The following LAMTOR3 variants were observed in gnomAD, a reference collection of about 807,000 sequenced individuals.
The protein encoded by LAMTOR3 is ragulator complex protein LAMTOR3.
A neutral mutation model predicts 20.3 loss-of-function variants in LAMTOR3; 14 were observed. The ratio of observed to expected loss-of-function variants is 0.69; its 90% CI spans 0.46 to 1.08. The LOEUF is 1.08. Among genes scored for constraint, LAMTOR3 ranks in the 50% least tolerant of loss-of-function variants. LAMTOR3 has a pLI of 0.00. For missense variants in LAMTOR3, 125 were observed against 143.7 expected, an observed-to-expected ratio of 0.87 and a Z score of 0.67; for synonymous variants, 40 against 49.4, an observed-to-expected ratio of 0.81 and a Z score of 0.80.
In LAMTOR3 at chr4:99,879,271, A is replaced by T. The variant is rs987763849; in HGVS notation, c.*2723T>A. Reference sequence around the variant, plus strand: ...TCTGTACTACCTTTCAAAAACAGTTAATCTAGGTTTACATTACCCTTTCAA... The same window carrying T: ...TCTGTACTACCTTTCAAAAACAGTTTATCTAGGTTTACATTACCCTTTCAA... On this transcript the variant is annotated 3_prime_UTR_variant, in exon 7 of 7. Transcript: ENST00000499666. The T allele has an allele frequency of 2.0e-5, 3 of 152,246 alleles. No homozygotes were observed. Among genetic ancestry groups the T allele is most frequent in the Non-Finnish European group, 4.4e-5 (3 of 68,022 alleles). 9.4% of individuals were successfully genotyped at this position (152,246 alleles called of 1,614,324 possible).
In LAMTOR3 at chr4:99,881,881, A is replaced by C. The variant is rs1724833562; in HGVS notation, c.*113T>G. On this transcript the variant is annotated 3_prime_UTR_variant, in exon 7 of 7. Transcript: ENST00000499666. ...CTAGCTCTTTAGTATAAGTTGGAAA[A>C]AGGGGCCCTTTCTTGAGCACATGGA... 1 of 722,264 alleles carries C rather than the reference A, an allele frequency of 1.4e-6. No homozygotes were observed. The highest frequency in any genetic ancestry group is 1.8e-5 in the African/African-American group (1 of 54,668). 44.7% of individuals were successfully genotyped at this position (722,264 alleles called of 1,614,324 possible).
upstream of LAMTOR3, chr4:99,894,528 G>C (rs1036669898): frequency 6.6e-6 from 1 of 151,242 alleles, no homozygotes; most frequent in Admixed American, 6.6e-5. Context: ...CGCGTCCGGC[G>C]GCCGCGCCCC....
intron 6 of LAMTOR3, among the ~76,000 whole-genome samples, chr4:99,883,059 T>C (rs1048527687): frequency 2.6e-5 from 4 of 152,056 alleles, no homozygotes; most frequent in Non-Finnish European, 5.9e-5. Flanking sequence ...ATATAACAAC[T>C]GGTGACTTAG....
intron 6 of LAMTOR3, among the ~76,000 whole-genome samples, chr4:99,883,778 C>CAAA (rs368560480): frequency 3.9e-5 from 4 of 101,540 alleles, no homozygotes; most frequent in African/African-American, 7.2e-5. Context: ...TTCCTGTCTC[C>CAAA]AAAAAAAAAA....
intron 2 of LAMTOR3, 142 bp from the exon 3 acceptor site, chr4:99,892,176 G>T: frequency 7.3e-7 from 1 of 1,371,154 alleles, no homozygotes. Flanking sequence ...GTCTGATTTG[G>T]ATGTTTACTA....
intron 4 of LAMTOR3, 28 bp from the exon 5 acceptor site, chr4:99,885,703 A>C (rs1724910860): frequency 6.3e-7 from 1 of 1,598,370 alleles, no homozygotes; most frequent in African/African-American, 1.4e-5. Flanking sequence ...TTAAATAAAA[A>C]TTATGCAGAG....
chr4:99,885,746 T>C (rs1048771836), intron 4 of LAMTOR3, 71 bp from the exon 5 acceptor site: 29 of 1,276,688 alleles, frequency 2.3e-5, no homozygotes, highest in South Asian at 5.5e-5. Context: ...CCCTTTTTTT[T>C]CATAAACCTC....
intron 3 of LAMTOR3, among the ~76,000 whole-genome samples, chr4:99,889,619 A>T (rs1724988107): frequency 6.6e-6 from 1 of 152,222 alleles, no homozygotes. Context: ...AGGTACATAA[A>T]ATATCTCTGT....
rs1724875921 is a variant in LAMTOR3 at position 99,884,085 on chromosome 4, A to G, written c.278T>C (p.Ile93Thr). 1 of 1,612,008 alleles carries G rather than the reference A, an allele frequency of 6.2e-7. No homozygotes were observed. The highest frequency in any genetic ancestry group is 1.1e-5 in the South Asian group (1 of 91,042). ...FNRLPLVVSF[I>T]ASSSANTGLI... Reference sequence around the variant, plus strand: ...ACCTGTATTGGCACTGCTGCTGGCTATGAAACTCACCACCAAAGGTAAACG... The same window carrying G: ...ACCTGTATTGGCACTGCTGCTGGCTGTGAAACTCACCACCAAAGGTAAACG... Residue 93 changes from isoleucine (I) to threonine (T), a missense_variant, in exon 6 of 7, where the codon ATA becomes ACA. This residue lies in a region of LAMTOR3 where 4 missense variants were observed against 16.4 expected (regional missense o/e 0.24). Transcript: ENST00000499666.
chr4:99,891,760 G>C (rs1003726308), intron 3 of LAMTOR3, among the ~76,000 whole-genome samples: 11 of 152,148 alleles, frequency 7.2e-5, no homozygotes, highest in Non-Finnish European at 1.3e-4. Flanking sequence ...AGATGACCAA[G>C]GGAATGCTGA....
intron 3 of LAMTOR3, among the ~76,000 whole-genome samples, chr4:99,891,387 T>A (rs996573384): frequency 6.6e-6 from 1 of 152,200 alleles, no homozygotes; most frequent in Non-Finnish European, 1.5e-5. Context: ...GCATAATACC[T>A]CAATAACTAC....
Position 99,879,670 on chromosome 4 carries a change from G to C in LAMTOR3, c.*2324C>G, listed in dbSNP as rs1446414016. The C allele has an allele frequency of 6.6e-6, 1 of 152,062 alleles. No homozygotes were observed. The highest frequency in any genetic ancestry group is 1.5e-5 in the Non-Finnish European group (1 of 68,014). 9.4% of individuals were successfully genotyped at this position (152,062 alleles called of 1,614,324 possible). On this transcript the variant is annotated 3_prime_UTR_variant, in exon 7 of 7. Coordinates refer to ENST00000499666, the MANE Select transcript of LAMTOR3 (RefSeq NM_021970.4). ...GTGGATACATTTCGAGACATGCTTT[G>C]TTAGGTGATTTCATCATTATGTGAA...
intron 4 of LAMTOR3, among the ~76,000 whole-genome samples, chr4:99,886,833 C>G (rs187741821): frequency 3.3e-5 from 5 of 152,220 alleles, no homozygotes; most frequent in East Asian, 1.9e-4. Flanking sequence ...CATACTGACT[C>G]TCTGTGACAT....
At chr4:99,884,973 A>G (rs893723646) in intron 5 of LAMTOR3, among the ~76,000 whole-genome samples, 22 of 151,942 alleles carry the variant, frequency 1.4e-4, no homozygotes, top group Admixed American at 6.6e-5. Flanking sequence ...CTTGGAAGAA[A>G]AAAAAAAAAA....
intron 6 of LAMTOR3, 29 bp downstream of exon 6, chr4:99,884,033 A>C (rs758971319): frequency 3.5e-6 from 5 of 1,448,666 alleles, no homozygotes; most frequent in Non-Finnish European, 3.9e-6. Flanking sequence ...ATTAAGGATT[A>C]AAGTGATATT....
rs745716265 is a variant in LAMTOR3 at position 99,892,041 on chromosome 4, G to A, written c.10-7C>T. The A allele has an allele frequency of 4.5e-6, 7 of 1,565,388 alleles. No homozygotes were observed. In the African/African-American group the frequency reaches 8.4e-5, roughly 19 times the overall value. On this transcript the variant is annotated splice_region_variant and splice_polypyrimidine_tract_variant and intron_variant, in intron 2 of 6. Coordinates refer to ENST00000499666, the MANE Select transcript of LAMTOR3 (RefSeq NM_021970.4). The stretch of plus-strand genomic sequence containing the variant: ...ACAAGAATCGCTTTAGGTCCTGAAA[G>A]AGAGCATTAAAAAATAATGTTGTAA...
chr4:99,894,378 G>A lies in LAMTOR3; in HGVS notation c.-81C>T, dbSNP rs972063231. 2 of 174,818 alleles carry A rather than the reference G, an allele frequency of 1.1e-5. No homozygotes were observed. Among genetic ancestry groups the A allele is most frequent in the African/African-American group, 4.7e-5 (2 of 42,446 alleles). The allele number at this position is 174,818 out of a possible 1,614,324, so 10.8% of individuals were successfully genotyped here. On this transcript the variant is annotated 5_prime_UTR_variant, in exon 1 of 7. Transcript: ENST00000499666. ...CTGGTTCTCTCCGCTGTCACTTCAGGGACAGCTTTAAAGACAGGTTCCTCC... is the reference window on the plus strand; with the variant it reads ...CTGGTTCTCTCCGCTGTCACTTCAGAGACAGCTTTAAAGACAGGTTCCTCC...
upstream of LAMTOR3, chr4:99,894,508 G>C (rs1725092417): frequency 6.6e-6 from 1 of 151,758 alleles, no homozygotes; most frequent in Admixed American, 6.6e-5. Flanking sequence ...CCCGGCGGAA[G>C]CTGCGAGGGC....
rs113542593 is a variant in LAMTOR3, at chr4:99,885,520, C to A, written c.237+22G>T. The A allele has an allele frequency of 2.0e-3, 3,049 of 1,563,054 alleles. 52 individuals carry two copies. The African/African-American group carries it at 0.035, about 18-fold the overall frequency. ...AAAATGACAACTGAAATCAGCAAAT[C>A]ATTTTATAATTATGAACTTACCTGG... is the stretch of plus-strand genomic sequence containing the variant. On this transcript the variant is annotated intron_variant, in intron 5 of 6. Transcript: ENST00000499666.
Sources: allele counts gnomAD v4.1 joint callset (sites outside exome capture counted in the v4.1 genomes callset), GRCh38; gene constraint gnomAD v4.1.1; regional missense constraint gnomAD v4.1.1; transcripts MANE v1.5; gene names NCBI Gene and HGNC (gene_info 2026-07-23, HGNC 2026-07-21).